Variants in GRIK3 observed in about 807,000 individuals in gnomAD.
The protein encoded by GRIK3 is glutamate ionotropic receptor kainate type subunit 3.
A neutral mutation model predicts 102.5 loss-of-function variants in GRIK3; 29 were observed. The observed-to-expected ratio is 0.28, with a 90% CI of 0.21 to 0.39. The LOEUF (loss-of-function observed/expected upper bound fraction) is 0.39. Among genes scored for constraint, GRIK3 ranks in the 10% least tolerant of loss-of-function variants. The pLI, the probability that GRIK3 is intolerant of heterozygous loss-of-function variation, is 1.00. For missense variants in GRIK3, 908 were observed against 1,252.4 expected, an observed-to-expected ratio of 0.73 and a Z score of 4.15; for synonymous variants, 511 against 504.9, an observed-to-expected ratio of 1.01 and a Z score of -0.16.
At chr1:36,911,667 A>C (rs1641346758) in intron 1 of GRIK3, among the ~76,000 whole-genome samples, 1 of 152,048 alleles carries the variant, frequency 6.6e-6, no homozygotes, top group African/African-American at 2.4e-5. Context: ...GGGACATGCA[A>C]GTCAAATATT....
chr1:36,981,704 T>A (rs1045023744), intron 1 of GRIK3, among the ~76,000 whole-genome samples: 5 of 152,000 alleles, frequency 3.3e-5, no homozygotes, highest in Admixed American at 3.3e-4. Context: ...GGCTGAGTCA[T>A]GTGTCTCTTT....
chr1:36,871,758 C>T (rs546106432), intron 4 of GRIK3, among the ~76,000 whole-genome samples: 143 of 152,266 alleles, frequency 9.4e-4, no homozygotes, highest in African/African-American at 1.0e-3. Context: ...CCGTGGGCTA[C>T]GGGGAATTAG....
chr1:36,947,252 A>C (rs1477536932), intron 1 of GRIK3, among the ~76,000 whole-genome samples: 2 of 151,964 alleles, frequency 1.3e-5, no homozygotes, highest in Non-Finnish European at 2.9e-5. Context: ...TCAACCTCAC[A>C]CCAGAAAATG....
chr1:36,830,810 C>CAAAAAAAA (rs948901521), intron 10 of GRIK3, among the ~76,000 whole-genome samples: 1 of 41,352 alleles, frequency 2.4e-5, no homozygotes, highest in Non-Finnish European at 5.1e-5. Flanking sequence ...GACTCTGTCT[C>CAAAAAAAA]AAAAAAAAAA....
rs1244271324 is a variant in GRIK3, at chr1:36,988,973, G to A, written c.115+45021C>T. ...CCCGAGCTGGTGGAGAGGGGGCGGC[G>A]GGGAAAGGACTGTCACTACATCCTA... On this transcript the variant is annotated intron_variant, in intron 1 of 15. Coordinates refer to ENST00000373091, the MANE Select transcript of GRIK3 (RefSeq NM_000831.4). Among the ~76,000 whole-genome samples the A allele has an allele frequency of 5.3e-5, 8 of 152,194 alleles. No individual in the cohort carries two copies. The South Asian group carries it at 8.3e-4, about 16-fold the overall frequency.
At chr1:36,988,278 CAG>C (rs919497565) in intron 1 of GRIK3, among the ~76,000 whole-genome samples, 1 of 152,136 alleles carries the variant, frequency 6.6e-6, no homozygotes, top group Non-Finnish European at 1.5e-5. Context: ...GCCACAGAGC[CAG>C]ACTCTGTCTC....
intron 1 of GRIK3, among the ~76,000 whole-genome samples, chr1:36,941,304 C>A (rs765357584): frequency 1.3e-5 from 2 of 152,234 alleles, no homozygotes; most frequent in African/African-American, 2.4e-5. Flanking sequence ...CAGCAGGCAG[C>A]CTCTTCATGC....
chr1:36,899,078 C>G (rs1314790473), intron 1 of GRIK3, among the ~76,000 whole-genome samples: 2 of 152,104 alleles, frequency 1.3e-5, no homozygotes, highest in Non-Finnish European at 2.9e-5. Flanking sequence ...CTATACAACT[C>G]TTAGAAGAAA....
At position 37,008,139 on chromosome 1, in the gene GRIK3, C is replaced by A. The variant is rs184628748; in HGVS notation, c.115+25855G>T. ...GGGCCTGGTTGAGAGGCTTTGCCTG[C>A]CACTGCCAAGTGGACTTACGGGGTC... On this transcript the variant is annotated intron_variant, in intron 1 of 15. Transcript: ENST00000373091. Among the ~76,000 whole-genome samples the A allele has an allele frequency of 3.4e-3, 519 of 152,326 alleles. 4 individuals are homozygous for A. The highest frequency in any genetic ancestry group is 6.1e-3 in the Non-Finnish European group (412 of 68,026).
At chr1:36,934,946 C>T (rs986684016) in intron 1 of GRIK3, among the ~76,000 whole-genome samples, 1 of 152,230 alleles carries the variant, frequency 6.6e-6, no homozygotes, top group Non-Finnish European at 1.5e-5. Context: ...ACCTTTCCTT[C>T]CAGGCCTTGA....
At chr1:37,001,372 C>G (rs1642473851) in intron 1 of GRIK3, among the ~76,000 whole-genome samples, 1 of 152,214 alleles carries the variant, frequency 6.6e-6, no homozygotes, top group South Asian at 2.1e-4. Flanking sequence ...TATTCAATAA[C>G]TCCATACATT....
chr1:36,896,571 G>T (rs1641175333), intron 1 of GRIK3, among the ~76,000 whole-genome samples: 1 of 152,106 alleles, frequency 6.6e-6, no homozygotes, highest in Non-Finnish European at 1.5e-5. Context: ...ATCATGAAAG[G>T]CAGAAAAGGG....
chr1:36,827,123 G>A (rs1642764022), intron 10 of GRIK3, among the ~76,000 whole-genome samples: 1 of 152,170 alleles, frequency 6.6e-6, no homozygotes, highest in Non-Finnish European at 1.5e-5. Flanking sequence ...CATGAAGCCA[G>A]CTCTGCTTTG....
At chr1:36,825,905 G>A in intron 10 of GRIK3, 79 bp from the exon 11 acceptor site, 1 of 1,029,310 alleles carries the variant, frequency 9.7e-7, no homozygotes, top group Non-Finnish European at 1.4e-6. Context: ...ATTGCTGGAG[G>A]AGAGATGAGG....
intron 1 of GRIK3, among the ~76,000 whole-genome samples, chr1:37,009,394 C>T (rs1480326823): frequency 6.6e-6 from 1 of 152,178 alleles, no homozygotes; most frequent in East Asian, 1.9e-4. Context: ...AGAGCCTGGG[C>T]CCCCTCACAC....
intron 1 of GRIK3, among the ~76,000 whole-genome samples, chr1:36,903,687 C>T (rs543130732): frequency 6.6e-6 from 1 of 152,256 alleles, no homozygotes; most frequent in Non-Finnish European, 1.5e-5. Context: ...AACTTAAGTG[C>T]CTATCACTAA....
At chr1:36,823,934 A>T (rs1443025662) in intron 11 of GRIK3, among the ~76,000 whole-genome samples, 1 of 152,044 alleles carries the variant, frequency 6.6e-6, no homozygotes. Flanking sequence ...TGTTTCTATA[A>T]ACTGGGGATA....
intron 1 of GRIK3, among the ~76,000 whole-genome samples, chr1:37,010,670 T>C (rs1040025717): frequency 4.0e-5 from 6 of 151,644 alleles, no homozygotes; most frequent in Non-Finnish European, 8.8e-5. Context: ...TTCCCGTCTG[T>C]GTGCGCTCCA....
chr1:37,024,852 C>G (rs575647830), intron 1 of GRIK3, among the ~76,000 whole-genome samples: 1 of 151,944 alleles, frequency 6.6e-6, no homozygotes, highest in Non-Finnish European at 1.5e-5. Flanking sequence ...AGCTTATCCT[C>G]AAGATTAGAT....
Sources: allele counts gnomAD v4.1 joint callset (sites outside exome capture counted in the v4.1 genomes callset), GRCh38; gene constraint gnomAD v4.1.1; transcripts MANE v1.5; gene names NCBI Gene and HGNC (gene_info 2026-07-23, HGNC 2026-07-21).